Variants in ZSWIM2 observed in about 807,000 individuals in gnomAD.
The protein encoded by ZSWIM2 is E3 ubiquitin-protein ligase ZSWIM2.
ZSWIM2 carries 38 observed loss-of-function variants against 48.4 expected under a neutral mutation model. The ratio of observed to expected loss-of-function variants is 0.79; its 90% confidence interval spans 0.61 to 1.03. ZSWIM2 has a LOEUF of 1.03. Ranked by LOEUF, ZSWIM2 falls within the 50% of genes least tolerant of loss-of-function variation. The pLI is 0.00. For missense variants in ZSWIM2, 776 were observed against 730.2 expected, an observed-to-expected ratio of 1.06 and a Z score of -0.72; for synonymous variants, 240 against 251.3, an observed-to-expected ratio of 0.96 and a Z score of 0.42.
In ZSWIM2 at chr2:186,828,219, T is replaced by C. The variant is rs758424120; in HGVS notation, c.1667A>G (p.Lys556Arg). The change falls in exon 9 of 9, where the codon AAG becomes AGG. Residue 556 changes from lysine to arginine, a missense_variant. Transcript: ENST00000295131. ...KGCKCNNHNL[K>R]KTPATKIRED... Reference sequence around the variant, plus strand: ...TCTTATTTTAGTGGCAGGAGTCTTCTTTAGGTTGTGGTTATTACATTTACA... The same window carrying C: ...TCTTATTTTAGTGGCAGGAGTCTTCCTTAGGTTGTGGTTATTACATTTACA... 1.9e-6 allele frequency: 3 copies of C among 1,613,416 alleles called. No homozygotes were observed. Among genetic ancestry groups the C allele is most frequent in the African/African-American group, 1.3e-5 (1 of 74,910 alleles).
rs761619494 is a variant in ZSWIM2 at position 186,828,727 on chromosome 2, G to A, written c.1159C>T (p.Gln387Ter). 1.2e-6 allele frequency: 2 copies of A among 1,608,926 alleles called. No homozygotes were observed. Among genetic ancestry groups the A allele is most frequent in the East Asian group, 2.2e-5 (1 of 44,718 alleles). Residue 387 changes from glutamine (Q) to a stop codon, truncating the protein, a stop_gained, in exon 9 of 9, where the codon CAA becomes TAA. Coordinates refer to ENST00000295131, the MANE Select transcript of ZSWIM2 (RefSeq NM_182521.3). LOFTEE classifies it low-confidence loss of function (END_TRUNC). ...HKCNSCPIDG[Q>*]VIYNPLTWKN... is the part of the protein sequence containing the mutation. ...CAAGTTAAAGGGTTATATATAACTT[G>A]TCCATCAATAGGGCATGAATTGCAC...
intron 7 of ZSWIM2, 142 bp downstream of exon 7, chr2:186,832,978 T>A (rs1012660625): frequency 8.5e-6 from 3 of 354,992 alleles, no homozygotes; most frequent in Admixed American, 4.9e-5. Flanking sequence ...GCTCTTCAAC[T>A]GGATGGTACA....
At chr2:186,829,655 A>T in intron 8 of ZSWIM2, 72 bp downstream of exon 8, 1 of 1,503,386 alleles carries the variant, frequency 6.7e-7, no homozygotes, top group Non-Finnish European at 9.0e-7. Context: ...AAAAGGACAG[A>T]CTTAAATTGT....
intron 5 of ZSWIM2, among the ~76,000 whole-genome samples, chr2:186,835,510 T>C (rs1476886582): frequency 6.6e-6 from 1 of 150,736 alleles, no homozygotes; most frequent in Non-Finnish European, 1.5e-5. Flanking sequence ...ATTTTAATAA[T>C]TAACACCAAT....
chr2:186,827,955 A>T lies in ZSWIM2; in HGVS notation c.*29T>A, dbSNP rs781375845. On this transcript the variant is annotated 3_prime_UTR_variant, in exon 9 of 9. Transcript: ENST00000295131. ...TATAAAACATTTTTTTATATTCAACATTCAAATATTTTCAGATAGTAAACT... is the reference window on the plus strand; with the variant it reads ...TATAAAACATTTTTTTATATTCAACTTTCAAATATTTTCAGATAGTAAACT... The T allele has an allele frequency of 3.6e-5, 53 of 1,485,850 alleles. No individual in the cohort carries two copies. In the African/African-American group the frequency reaches 7.1e-4, roughly 20 times the overall value. 92.0% of individuals were successfully genotyped at this position (1,485,850 alleles called of 1,614,324 possible).
At chr2:186,848,370 A>C (rs1489650464) in intron 1 of ZSWIM2, among the ~76,000 whole-genome samples, 1 of 152,128 alleles carries the variant, frequency 6.6e-6, no homozygotes, top group African/African-American at 2.4e-5. Flanking sequence ...GTCAACTCCT[A>C]GGAGGTAGTG....
At chr2:186,831,037 C>T (rs936227607) in intron 7 of ZSWIM2, among the ~76,000 whole-genome samples, 11 of 152,168 alleles carry the variant, frequency 7.2e-5, no homozygotes, top group Middle Eastern at 3.4e-3. Context: ...AGGTTGTTAC[C>T]TACTGTTTCT....
rs781140312 is a variant in ZSWIM2 at position 186,839,173 on chromosome 2, G to A, written c.284-4C>T. ...CCAAGACCCAGTTGTAAAGCAGCTA[G>A]TGAGAAATCCCAAAGTATTAAAATC... On this transcript the variant is annotated splice_polypyrimidine_tract_variant and splice_region_variant and intron_variant, in intron 3 of 8. Coordinates refer to ENST00000295131, the MANE Select transcript of ZSWIM2 (RefSeq NM_182521.3). 1.2e-6 allele frequency: 2 copies of A among 1,610,180 alleles called. No homozygotes were observed. The highest frequency in any genetic ancestry group is 1.7e-6 in the Non-Finnish European group (2 of 1,177,390).
At chr2:186,839,936 T>C in intron 3 of ZSWIM2, among the ~76,000 whole-genome samples, 1 of 151,654 alleles carries the variant, frequency 6.6e-6, no homozygotes, top group East Asian at 1.9e-4. Flanking sequence ...ATAATTTAAA[T>C]GCTAGTTGTT....
At position 186,829,750 on chromosome 2, in the gene ZSWIM2, T is replaced by A. The variant is rs892347474; in HGVS notation, c.1072A>T (p.Arg358Ter). The change falls in exon 8 of 9, where the codon AGA becomes TGA. Residue 358 changes from arginine to a stop codon, truncating the protein, a stop_gained. Transcript: ENST00000295131. LOFTEE classifies it low-confidence loss of function (END_TRUNC). The stretch of plus-strand genomic sequence containing the variant: ...ACCTTGTGAGTACATGGTAGCAATC[T>A]TGTATGTTGACCAAGATGAAATGCC... ...LKAFHLGQHT[R>*]LLPCTHKFHR... 6.2e-7 allele frequency: 1 copy of A among 1,613,422 alleles called. No homozygotes were observed.
intron 5 of ZSWIM2, among the ~76,000 whole-genome samples, chr2:186,835,807 A>C (rs1382014831): frequency 6.6e-6 from 1 of 152,204 alleles, no homozygotes; most frequent in African/African-American, 2.4e-5. Flanking sequence ...ACACACATTG[A>C]AAATGCATTC....
intron 6 of ZSWIM2, 124 bp downstream of exon 6, chr2:186,833,822 G>A: frequency 1.5e-6 from 1 of 683,740 alleles, no homozygotes; most frequent in South Asian, 2.5e-5. Context: ...ATGGCTTTAG[G>A]TTTGTATTAA....
rs930385233 is a variant in ZSWIM2 at position 186,845,177 on chromosome 2, A to AT, written c.243-421dup. Reference sequence around the variant, plus strand: ...CCTCTCTAACGCATGATATAAAAAAATTTTTTTTAAATTTTACCAATAAAA... The same window carrying AT: ...CCTCTCTAACGCATGATATAAAAAAATTTTTTTTTAAATTTTACCAATAAAA... On this transcript the variant is annotated intron_variant, in intron 2 of 8. Transcript: ENST00000295131. Among the ~76,000 whole-genome samples the AT allele has an allele frequency of 2.1e-4, 30 of 142,274 alleles. No homozygotes were observed. The South Asian group carries it at 2.4e-3, about 11-fold the overall frequency. The allele number at this position is 142,274 out of a possible 152,430, so 93.3% of individuals were successfully genotyped here.
At position 186,828,429 on chromosome 2, in the gene ZSWIM2, T is replaced by A; in HGVS notation, c.1457A>T (p.Asp486Val). The change falls in exon 9 of 9, where the codon GAT becomes GTT. Residue 486 changes from aspartate to valine, a missense_variant. Transcript: ENST00000295131. ...GGGAAAATGTTGGCTAATTTTATAATCATAGGTTAATTTTTTTGAATTTGA... is the reference window on the plus strand; with the variant it reads ...GGGAAAATGTTGGCTAATTTTATAAACATAGGTTAATTTTTTTGAATTTGA... ...DNSNSKKLTY[D>V]YKISQHFPRY... is the part of the protein sequence containing the mutation. The A allele has an allele frequency of 1.9e-6, 3 of 1,613,398 alleles. No individual in the cohort carries two copies. Among genetic ancestry groups the A allele is most frequent in the Non-Finnish European group, 2.5e-6 (3 of 1,179,662 alleles).
At chr2:186,848,554 C>T (rs1260442154) in intron 1 of ZSWIM2, 1 of 159,086 alleles carries the variant, frequency 6.3e-6, no homozygotes, top group Non-Finnish European at 1.4e-5. Context: ...AAAGGGAAAC[C>T]TATTTATTTA....
intron 2 of ZSWIM2, among the ~76,000 whole-genome samples, chr2:186,845,155 C>T (rs1160163039): frequency 1.3e-5 from 2 of 150,576 alleles, no homozygotes; most frequent in African/African-American, 4.9e-5. Context: ...ACATATACCT[C>T]TCTAACGCAT....
At chr2:186,847,569 T>A (rs953064999) in intron 2 of ZSWIM2, 150 bp downstream of exon 2, 8 of 433,302 alleles carry the variant, frequency 1.8e-5, no homozygotes, top group Non-Finnish European at 3.3e-5. Context: ...TACTGAAAAA[T>A]TTATTGGTAA....
intron 2 of ZSWIM2, among the ~76,000 whole-genome samples, chr2:186,846,116 A>G (rs951984649): frequency 2.6e-5 from 4 of 151,898 alleles, no homozygotes; most frequent in African/African-American, 9.7e-5. Flanking sequence ...ATGCAACAAA[A>G]AGAAAAATAG....
chr2:186,837,501 T>A lies in ZSWIM2; in HGVS notation c.548A>T (p.Tyr183Phe). Reference sequence around the variant, plus strand: ...CATGGAAGTGTTTGATGTACTCTGATAATTAGCTAAGATCTTCATGCATTT... The same window carrying A: ...CATGGAAGTGTTTGATGTACTCTGAAAATTAGCTAAGATCTTCATGCATTT... ...HIKCMKILAN[Y>F]QSTSNTSMLK... Residue 183 changes from tyrosine (Y) to phenylalanine (F), a missense_variant, in exon 5 of 9, where the codon TAT (tyrosine) becomes TTT (phenylalanine). Tyr to Phe is a conservative substitution (Grantham distance 22). Coordinates refer to ENST00000295131, the MANE Select transcript of ZSWIM2 (RefSeq NM_182521.3). 2 of 1,612,000 alleles carry A rather than the reference T, an allele frequency of 1.2e-6. No homozygotes were observed. The highest frequency in any genetic ancestry group is 1.7e-6 in the Non-Finnish European group (2 of 1,178,700).
Sources: gnomAD v4.1 joint callset for allele counts (sites outside exome capture counted in the v4.1 genomes callset) on GRCh38, gnomAD v4.1.1 for gene constraint, MANE v1.5 for transcripts, NCBI Gene and HGNC (gene_info 2026-07-23, HGNC 2026-07-21) for gene names.